Variants in NFATC2 observed in about 807,000 individuals in gnomAD.
NFATC2 encodes the protein nuclear factor of activated T cells 2.
Under a neutral mutation model 87.3 loss-of-function variants are expected in NFATC2, and 22 were observed. The ratio of observed to expected loss-of-function variants is 0.25; its 90% CI spans 0.18 to 0.36. The LOEUF is 0.36. NFATC2 is among the 10% of genes least tolerant of loss of function. NFATC2 has a pLI of 1.00. For synonymous variants in NFATC2, 565 were observed against 542.2 expected (o/e 1.04, Z -0.58); for missense variants, 1,149 against 1,259.1 (o/e 0.91, Z 1.32).
At chr20:51,531,053 A>G (rs2076625018) in intron 1 of NFATC2, among the ~76,000 whole-genome samples, 1 of 152,230 alleles carries the variant, frequency 6.6e-6, no homozygotes, top group Non-Finnish European at 1.5e-5. Flanking sequence ...CATGTAGTAA[A>G]TTACTTGATC....
At position 51,388,310 on chromosome 20, in the gene NFATC2, T is replaced by C. The variant is rs1461993621; in HGVS notation, c.*3186A>G. 1 of 152,178 alleles carries C rather than the reference T, an allele frequency of 6.6e-6. No individual in the cohort carries two copies. The highest frequency in any genetic ancestry group is 1.5e-5 in the Non-Finnish European group (1 of 68,030). The allele number at this position is 152,178 out of a possible 1,614,324, so 9.4% of individuals were successfully genotyped here. On this transcript the variant is annotated 3_prime_UTR_variant, in exon 11 of 11. Transcript: ENST00000371564. ...CACTTGATGATTCTCAGTGACCAGA[T>C]CCAGGCTCAGGGCTGAAGTCAGCAT... is the stretch of plus-strand genomic sequence containing the variant.
chr20:51,493,174 G>A (rs1448186093), intron 3 of NFATC2, among the ~76,000 whole-genome samples: 2 of 152,196 alleles, frequency 1.3e-5, no homozygotes, highest in African/African-American at 2.4e-5. Context: ...TGCTGAACTC[G>A]CTGGCTGTGG....
rs1169527184 is a variant in NFATC2 at position 51,523,429 on chromosome 20, C to T, written c.812G>A (p.Arg271His). Residue 271 changes from arginine to histidine, a missense_variant, in exon 2 of 11, where the codon CGC (arginine) becomes CAC (histidine). Arg to His is a conservative substitution (Grantham distance 29). Around this residue, in one of 3 missense-constraint regions of NFATC2, gnomAD observed 563 missense variants for 585.2 expected, o/e 0.96. Transcript: ENST00000371564. This position sits in a 1 kb window ranked among gnomAD's most constrained non-coding sequence, Gnocchi z 6.9. ...GGGCTGCGGCGAGGGGCTCCGGGAG[C>T]GCTGGGGTGAGGCTCCGGGCGGCAG... ...VALPPGASPQ[R>H]SRSPSPQPSS... 1 of 1,608,308 alleles carries T rather than the reference C, an allele frequency of 6.2e-7. No individual in the cohort carries two copies. The highest frequency in any genetic ancestry group is 8.5e-7 in the Non-Finnish European group (1 of 1,177,270).
At chr20:51,404,106 C>G (rs1048347696) in intron 9 of NFATC2, among the ~76,000 whole-genome samples, 1 of 151,572 alleles carries the variant, frequency 6.6e-6, no homozygotes, top group African/African-American at 2.4e-5. Flanking sequence ...CCTAGGAGGC[C>G]CTCTTTTTCC....
At chr20:51,391,543 A>G (rs1986348408) in intron 10 of NFATC2, 92 bp from the exon 11 acceptor site, 7 of 1,306,664 alleles carry the variant, frequency 5.4e-6, no homozygotes, top group African/African-American at 3.0e-5. Flanking sequence ...TAGAACCTCT[A>G]TTGGGCTATT....
intron 6 of NFATC2, among the ~76,000 whole-genome samples, chr20:51,443,720 C>T (rs1274515319): frequency 3.3e-5 from 5 of 152,126 alleles, no homozygotes; most frequent in Non-Finnish European, 7.3e-5. Context: ...ATGCTTCTAC[C>T]GCTCTGGGCT....
chr20:51,453,084 A>G (rs998192630), intron 6 of NFATC2: 1 of 154,652 alleles, frequency 6.5e-6, no homozygotes, highest in African/African-American at 2.4e-5. Context: ...CCACTGCCAC[A>G]GCCTTACTTA....
chr20:51,497,319 C>T (rs2076005465), intron 3 of NFATC2, among the ~76,000 whole-genome samples: 2 of 152,150 alleles, frequency 1.3e-5, no homozygotes, highest in Middle Eastern at 3.2e-3. Flanking sequence ...AGAAAAATAA[C>T]AATCCACCAA....
chr20:51,531,562 T>C (rs2146759340), intron 1 of NFATC2, among the ~76,000 whole-genome samples: 1 of 152,130 alleles, frequency 6.6e-6, no homozygotes, highest in Middle Eastern at 3.4e-3. Context: ...CAGGTCTCAG[T>C]CAACAGAGGG....
At chr20:51,436,715 A>AAAC (rs1258021775) in intron 6 of NFATC2, among the ~76,000 whole-genome samples, 11 of 121,284 alleles carry the variant, frequency 9.1e-5, no homozygotes, top group African/African-American at 1.4e-4. Context: ...ACTTTGTCTC[A>AAAC]AAACAAACAA....
At chr20:51,423,291 CAAAAAA>C (rs71192527) in intron 9 of NFATC2, among the ~76,000 whole-genome samples, 121 of 62,858 alleles carry the variant, frequency 1.9e-3, no homozygotes, top group Middle Eastern at 0.011. Context: ...GACCCTCTCT[CAAAAAA>C]AAAAAAAAAA....
chr20:51,520,198 G>C (rs570903239), intron 2 of NFATC2, among the ~76,000 whole-genome samples: 1 of 152,178 alleles, frequency 6.6e-6, no homozygotes, highest in Non-Finnish European at 1.5e-5. Context: ...CAAAGTGTCC[G>C]ATAAATGTAT....
intron 1 of NFATC2, among the ~76,000 whole-genome samples, chr20:51,531,755 G>T (rs536703884): frequency 1.3e-5 from 2 of 152,310 alleles, no homozygotes; most frequent in South Asian, 2.1e-4. Flanking sequence ...GGGCCTACTG[G>T]ATTATTATTG....
At chr20:51,431,641 CAA>C (rs1345730828) in intron 9 of NFATC2, among the ~76,000 whole-genome samples, 1 of 152,108 alleles carries the variant, frequency 6.6e-6, no homozygotes, top group African/African-American at 2.4e-5. Flanking sequence ...CTCAAATATA[CAA>C]AAGAGGGCTA....
At chr20:51,400,715 T>C (rs1250825439) in intron 9 of NFATC2, among the ~76,000 whole-genome samples, 1 of 152,116 alleles carries the variant, frequency 6.6e-6, no homozygotes, top group Non-Finnish European at 1.5e-5. Context: ...AACACCCTCC[T>C]CCGCAGGTGG....
intron 3 of NFATC2, among the ~76,000 whole-genome samples, chr20:51,479,462 T>C (rs1296211795): frequency 1.3e-5 from 2 of 151,974 alleles, no homozygotes; most frequent in East Asian, 3.9e-4. Context: ...ACCAAAAAAA[T>C]GCAAAAATTA....
intron 10 of NFATC2, 111 bp from the exon 11 acceptor site, chr20:51,391,562 A>G: frequency 1.7e-6 from 2 of 1,177,520 alleles, no homozygotes; most frequent in Admixed American, 1.8e-5. Flanking sequence ...TTGATTTTTG[A>G]GACAAGGTCT....
intron 5 of NFATC2, 61 bp from the exon 6 acceptor site, chr20:51,454,749 G>T: frequency 6.3e-7 from 1 of 1,582,208 alleles, no homozygotes; most frequent in South Asian, 1.1e-5. Flanking sequence ...AAAAGAGGAG[G>T]TCTGATTTCA....
chr20:51,400,675 C>T (rs906714675), intron 9 of NFATC2, among the ~76,000 whole-genome samples: 6 of 152,138 alleles, frequency 3.9e-5, no homozygotes, highest in South Asian at 2.1e-4. Context: ...AACTGAGGCC[C>T]GAAATCAACT....
Sources: allele counts gnomAD v4.1 joint callset (sites outside exome capture counted in the v4.1 genomes callset), GRCh38; gene constraint gnomAD v4.1.1; regional missense constraint gnomAD v4.1.1; non-coding constraint Gnocchi (gnomAD v3.1); transcripts MANE v1.5; gene names NCBI Gene and HGNC (gene_info 2026-07-23, HGNC 2026-07-21).